NCKAP5: variants seen among roughly 807,000 people sequenced by gnomAD.
NCKAP5 encodes the protein nck-associated protein 5.
In NCKAP5, 92 loss-of-function variants were observed where a neutral mutation model predicts 167.0. That is an observed-to-expected ratio of 0.55 (90% CI 0.47 to 0.66). The LOEUF (loss-of-function observed/expected upper bound fraction) is 0.66. Ranked by LOEUF, NCKAP5 falls within the 30% of genes least tolerant of loss-of-function variation. The pLI, the probability that NCKAP5 is intolerant of heterozygous loss-of-function variation, is 0.00. For synonymous variants in NCKAP5, 891 were observed against 877.4 expected (o/e 1.02, Z -0.27); for missense variants, 2,378 against 2,315.0 (o/e 1.03, Z -0.56).
In NCKAP5 at chr2:133,167,867, C is replaced by T. The variant is rs1029946942; in HGVS notation, c.208-37756G>A. The stretch of plus-strand genomic sequence containing the variant: ...TGTCTTCCCACTACAGATTCCTGCT[C>T]CCCACCTCTCCATCCAATTATTCCC... On this transcript the variant is annotated intron_variant, in intron 5 of 19. Coordinates refer to ENST00000409261, the MANE Select transcript of NCKAP5 (RefSeq NM_207363.3). Among the ~76,000 whole-genome samples, 5 of 152,110 alleles carry T rather than the reference C, an allele frequency of 3.3e-5. 1 individual carries two copies. The highest frequency in any genetic ancestry group is 2.0e-4 in the Admixed American group (3 of 15,262).
At chr2:133,149,182 T>A (rs755219944) in intron 5 of NCKAP5, among the ~76,000 whole-genome samples, 15 of 152,188 alleles carry the variant, frequency 9.9e-5, no homozygotes, top group Non-Finnish European at 2.1e-4. Context: ...ACCTTACCTG[T>A]CACATACATA....
At position 133,377,696 on chromosome 2, in the gene NCKAP5, G is replaced by C. The variant is rs72989650; in HGVS notation, c.70-74586C>G. ...GGAAATAATGCAGAGACCACCTACCGTGTGCAAAGCAGTGTGACATTTAGA... is the reference window on the plus strand; with the variant it reads ...GGAAATAATGCAGAGACCACCTACCCTGTGCAAAGCAGTGTGACATTTAGA... On this transcript the variant is annotated intron_variant, in intron 3 of 19. Coordinates refer to ENST00000409261, the MANE Select transcript of NCKAP5 (RefSeq NM_207363.3). Among the ~76,000 whole-genome samples the C allele has an allele frequency of 4.6e-3, 700 of 152,310 alleles. 12 individuals are homozygous for C. Among genetic ancestry groups the C allele is most frequent in the African/African-American group, 0.016 (668 of 41,560 alleles).
At chr2:133,599,309 C>T in the NCKAP5 span, among the ~76,000 whole-genome samples, 1 of 152,186 alleles carries the variant, frequency 6.6e-6, no homozygotes, top group African/African-American at 2.4e-5. Context: ...GAGGTCCTTG[C>T]AGGACCCAGA....
rs13415467 is a variant in NCKAP5 at position 132,889,180 on chromosome 2, T to A, written c.580-10264A>T. On this transcript the variant is annotated intron_variant, in intron 8 of 19. Coordinates refer to ENST00000409261, the MANE Select transcript of NCKAP5 (RefSeq NM_207363.3). ...GGGAGTGAAGGAGCCATCTTGGAAA[T>A]GGATCCTTTCACCTCCCAACATCAC... is the stretch of plus-strand genomic sequence containing the variant. Among the ~76,000 whole-genome samples, 7 of 152,294 alleles carry A rather than the reference T, an allele frequency of 4.6e-5. No homozygotes were observed. The East Asian group carries it at 1.2e-3, about 25-fold the overall frequency.
intron 7 of NCKAP5, among the ~76,000 whole-genome samples, chr2:132,993,899 C>T (rs747306406): frequency 6.6e-6 from 1 of 152,218 alleles, no homozygotes; most frequent in Admixed American, 6.5e-5. Flanking sequence ...ACAAGTCTCT[C>T]TCATTCACCA....
intron 8 of NCKAP5, among the ~76,000 whole-genome samples, chr2:132,912,187 C>A (rs1694507047): frequency 6.6e-6 from 1 of 152,162 alleles, no homozygotes; most frequent in Non-Finnish European, 1.5e-5. Context: ...CAGGACCATA[C>A]AGGGACTGCT....
intron 5 of NCKAP5, among the ~76,000 whole-genome samples, chr2:133,168,871 G>A (rs2084118160): frequency 6.6e-6 from 1 of 152,078 alleles, no homozygotes. Context: ...TCCTCACTGT[G>A]TGGTAAAAGA....
intron 6 of NCKAP5, among the ~76,000 whole-genome samples, chr2:133,031,695 A>G (rs1179711234): frequency 6.6e-6 from 1 of 152,042 alleles, no homozygotes; most frequent in Non-Finnish European, 1.5e-5. Flanking sequence ...CACAGCTACA[A>G]AAGACACCCC....
chr2:133,559,185 C>T (rs771711893), intron 1 of NCKAP5, 68 bp from the exon 2 acceptor site: 14 of 151,676 alleles, frequency 9.2e-5, no homozygotes, highest in Non-Finnish European at 1.9e-4. Flanking sequence ...AACATATTAA[C>T]CTCTTGGTAC....
intron 3 of NCKAP5, among the ~76,000 whole-genome samples, chr2:133,453,569 G>A (rs576942426): frequency 1.4e-4 from 22 of 152,126 alleles, no homozygotes; most frequent in African/African-American, 5.3e-4. Context: ...GTTGGAATTT[G>A]ACAAAATAAG....
intron 3 of NCKAP5, among the ~76,000 whole-genome samples, chr2:133,436,752 T>C (rs1690509147): frequency 6.6e-6 from 1 of 152,150 alleles, no homozygotes; most frequent in South Asian, 2.1e-4. Context: ...TCTCTGTACA[T>C]TGAACATCCT....
At chr2:132,766,535 G>A (rs1681509983) in intron 16 of NCKAP5, among the ~76,000 whole-genome samples, 1 of 152,130 alleles carries the variant, frequency 6.6e-6, no homozygotes, top group African/African-American at 2.4e-5. Flanking sequence ...AAAAATCAAT[G>A]TGGTTTGGAG....
intron 11 of NCKAP5, among the ~76,000 whole-genome samples, chr2:132,799,848 T>C (rs758734254): frequency 1.6e-4 from 25 of 152,180 alleles, no homozygotes; most frequent in Non-Finnish European, 2.9e-4. Flanking sequence ...AGGTATACAA[T>C]GTATAATGAT....
rs192758875 is a variant in NCKAP5, at chr2:132,989,687, G to C, written c.429+4465C>G. On this transcript the variant is annotated intron_variant, in intron 7 of 19. Coordinates refer to ENST00000409261, the MANE Select transcript of NCKAP5 (RefSeq NM_207363.3). ...TTTAAAATATTGAGACAGTGACTTT[G>C]TGACCTGAGATTTTAGACTGTGCCT... Among the ~76,000 whole-genome samples, 8 of 152,230 alleles carry C rather than the reference G, an allele frequency of 5.3e-5. 1 individual carries two copies. The highest frequency in any genetic ancestry group is 5.2e-4 in the Admixed American group (8 of 15,282).
intron 2 of NCKAP5, among the ~76,000 whole-genome samples, chr2:133,532,899 A>C (rs1685477617): frequency 6.6e-6 from 1 of 152,214 alleles, no homozygotes; most frequent in South Asian, 2.1e-4. Flanking sequence ...ACCTTCATTG[A>C]GAATGTTTCT....
At chr2:133,180,961 A>C (rs2084706480) in intron 5 of NCKAP5, among the ~76,000 whole-genome samples, 1 of 152,070 alleles carries the variant, frequency 6.6e-6, no homozygotes, top group African/African-American at 2.4e-5. Flanking sequence ...ATATATAAGA[A>C]ATAAAATAAA....
chr2:133,533,211 G>A (rs944265325), intron 2 of NCKAP5, among the ~76,000 whole-genome samples: 2 of 152,204 alleles, frequency 1.3e-5, no homozygotes, highest in African/African-American at 4.8e-5. Flanking sequence ...GTGCCCATCT[G>A]GGCAGGACCC....
intron 8 of NCKAP5, among the ~76,000 whole-genome samples, chr2:132,948,708 A>G (rs2076074600): frequency 1.3e-5 from 2 of 152,126 alleles, no homozygotes; most frequent in African/African-American, 2.4e-5. Context: ...ATCTTGGCCA[A>G]TGGGAACAAG....
intron 4 of NCKAP5, among the ~76,000 whole-genome samples, chr2:133,244,282 CT>C (rs1290121887): frequency 6.6e-6 from 1 of 152,156 alleles, no homozygotes; most frequent in African/African-American, 2.4e-5. Flanking sequence ...TGTAATCTAT[CT>C]CTTTGTAAGA....
Sources: gnomAD v4.1 joint callset for allele counts (sites outside exome capture counted in the v4.1 genomes callset) on GRCh38, gnomAD v4.1.1 for gene constraint, MANE v1.5 for transcripts, NCBI Gene and HGNC (gene_info 2026-07-23, HGNC 2026-07-21) for gene names.